DAPK1: variants seen among roughly 807,000 people sequenced by gnomAD.
The protein encoded by DAPK1 is death-associated protein kinase 1.
Under a neutral mutation model 144.9 loss-of-function variants are expected in DAPK1, and 56 were observed. The ratio of observed to expected loss-of-function variants is 0.39; its 90% CI spans 0.31 to 0.48. DAPK1 has a LOEUF of 0.48. DAPK1 is among the 20% of genes least tolerant of loss of function. DAPK1 has a pLI of 0.95. For synonymous variants in DAPK1, 690 were observed against 749.0 expected (o/e 0.92, Z 1.29); for missense variants, 1,454 against 1,875.4 (o/e 0.78, Z 4.15).
At chr9:87,567,190 C>G (rs1827160527) in intron 2 of DAPK1, among the ~76,000 whole-genome samples, 1 of 152,176 alleles carries the variant, frequency 6.6e-6, no homozygotes, top group South Asian at 2.1e-4. Context: ...AATGCTTGGC[C>G]TCTCCTCCCG....
In DAPK1 at chr9:87,522,935, G is replaced by A. The variant is rs1454530473; in HGVS notation, c.62+23796G>A. On this transcript the variant is annotated intron_variant, in intron 2 of 25. Transcript: ENST00000408954. Reference sequence around the variant, plus strand: ...ATACTCTTTGCCCATTTTTCTCTACGTTTGTAGACTTTTATTAATTTGTAG... The same window carrying A: ...ATACTCTTTGCCCATTTTTCTCTACATTTGTAGACTTTTATTAATTTGTAG... 3.3e-5 allele frequency among the ~76,000 whole-genome samples: 5 copies of A among 152,014 alleles called. No homozygotes were observed. In the East Asian group the frequency reaches 7.7e-4, roughly 23 times the overall value.
At chr9:87,518,796 G>T (rs774125982) in intron 2 of DAPK1, among the ~76,000 whole-genome samples, 1 of 152,048 alleles carries the variant, frequency 6.6e-6, no homozygotes, top group Non-Finnish European at 1.5e-5. Context: ...GTTGGTGCCT[G>T]AAGAGTCTGG....
intron 2 of DAPK1, among the ~76,000 whole-genome samples, chr9:87,533,077 A>G (rs974619733): frequency 6.6e-6 from 1 of 152,242 alleles, no homozygotes; most frequent in Non-Finnish European, 1.5e-5. Context: ...GCAGAATGAT[A>G]TAATGTAATT....
intron 4 of DAPK1, among the ~76,000 whole-genome samples, chr9:87,638,285 A>T (rs2119124807): frequency 6.6e-6 from 1 of 152,356 alleles, no homozygotes; most frequent in African/African-American, 2.4e-5. Flanking sequence ...ATAGAGGCTT[A>T]ATGATAATTG....
chr9:87,622,306 G>A (rs1388965135), intron 3 of DAPK1, among the ~76,000 whole-genome samples: 1 of 152,020 alleles, frequency 6.6e-6, no homozygotes, highest in Non-Finnish European at 1.5e-5. Context: ...ATCCTTCGTA[G>A]GTGTGACAAC....
At chr9:87,544,244 A>C (rs1826155851) in intron 2 of DAPK1, among the ~76,000 whole-genome samples, 1 of 152,234 alleles carries the variant, frequency 6.6e-6, no homozygotes, top group South Asian at 2.1e-4. Context: ...ATGTTAGCTT[A>C]ACTTTTACAA....
intron 3 of DAPK1, among the ~76,000 whole-genome samples, chr9:87,620,366 A>G (rs1353792050): frequency 1.3e-5 from 2 of 152,050 alleles, no homozygotes; most frequent in Admixed American, 6.6e-5. Flanking sequence ...TCCTCAGACT[A>G]AGGGAAGAAT....
intron 2 of DAPK1, among the ~76,000 whole-genome samples, chr9:87,511,953 C>T (rs1383233208): frequency 6.6e-6 from 1 of 152,156 alleles, no homozygotes; most frequent in Non-Finnish European, 1.5e-5. Flanking sequence ...CTTAGGTGAT[C>T]CACCCACCTC....
chr9:87,567,894 G>A (rs952137192), intron 2 of DAPK1, among the ~76,000 whole-genome samples: 1 of 152,134 alleles, frequency 6.6e-6, no homozygotes, highest in African/African-American at 2.4e-5. Context: ...AAATGCTTTC[G>A]TGTTCACTTT....
intron 3 of DAPK1, among the ~76,000 whole-genome samples, chr9:87,620,405 G>A (rs1013513169): frequency 3.9e-5 from 6 of 152,114 alleles, no homozygotes; most frequent in East Asian, 1.9e-4. Context: ...TTAAAATTGC[G>A]GCTCTCCATG....
chr9:87,503,633 C>G (rs1482460649), intron 2 of DAPK1, among the ~76,000 whole-genome samples: 2 of 152,162 alleles, frequency 1.3e-5, no homozygotes, highest in African/African-American at 2.4e-5. Flanking sequence ...TTAGACTAGA[C>G]TGAGTGGATC....
intron 18 of DAPK1, among the ~76,000 whole-genome samples, chr9:87,662,431 TATTA>T (rs1457753452): frequency 1.3e-5 from 2 of 152,162 alleles, no homozygotes; most frequent in Admixed American, 6.5e-5. Flanking sequence ...ATTTTAACAA[TATTA>T]ATTCTTCCCA....
intron 2 of DAPK1, among the ~76,000 whole-genome samples, chr9:87,591,161 A>C (rs953118000): frequency 1.3e-5 from 2 of 152,216 alleles, no homozygotes; most frequent in African/African-American, 2.4e-5. Context: ...ATTGCCCTGA[A>C]GTTTGTCAAT....
intron 2 of DAPK1, among the ~76,000 whole-genome samples, chr9:87,514,065 G>C (rs897578772): frequency 2.0e-5 from 3 of 152,138 alleles, no homozygotes; most frequent in Non-Finnish European, 4.4e-5. Flanking sequence ...GTGTGAGGGG[G>C]CGCAAAATTC....
rs757669672 is a variant in DAPK1, at chr9:87,686,529, T to C, written c.2225-22T>C. 5 of 1,443,660 alleles carry C rather than the reference T, an allele frequency of 3.5e-6. No individual in the cohort carries two copies. In the African/African-American group the frequency reaches 4.2e-5, roughly 12 times the overall value. 89.4% of individuals were successfully genotyped at this position (1,443,660 alleles called of 1,614,324 possible). On this transcript the variant is annotated intron_variant, in intron 20 of 25. Transcript: ENST00000408954. This position sits in a 1 kb window ranked among gnomAD's most constrained non-coding sequence, Gnocchi z 4.2. ...ACACGCTGCCCCCATCGAGTACTCATGTGATCCTTTCCATCCTGCAGTCTC... is the reference window on the plus strand; with the variant it reads ...ACACGCTGCCCCCATCGAGTACTCACGTGATCCTTTCCATCCTGCAGTCTC...
chr9:87,573,600 C>G (rs183429178), intron 2 of DAPK1, among the ~76,000 whole-genome samples: 2 of 152,336 alleles, frequency 1.3e-5, no homozygotes, highest in African/African-American at 4.8e-5. Flanking sequence ...CCACCTCTTC[C>G]TGACCACCAA....
At position 87,498,023 on chromosome 9, in the gene DAPK1, C is replaced by G; in HGVS notation, c.-193C>G. ...CACTCCCTAGCTGTGTTCCCGCCGCCGCCCCGGCTAGTCTCCGGCGCTGGC... is the reference window on the plus strand; with the variant it reads ...CACTCCCTAGCTGTGTTCCCGCCGCGGCCCCGGCTAGTCTCCGGCGCTGGC... On this transcript the variant is annotated 5_prime_UTR_variant, in exon 1 of 26. Transcript: ENST00000408954. 2.5e-6 allele frequency: 1 copy of G among 397,806 alleles called. No individual in the cohort carries two copies. Among genetic ancestry groups the G allele is most frequent in the Non-Finnish European group, 4.4e-6 (1 of 225,668 alleles). The allele number at this position is 397,806 out of a possible 1,614,324, so 24.6% of individuals were successfully genotyped here.
Position 87,581,162 on chromosome 9 carries a change from C to G in DAPK1, c.63-23792C>G, listed in dbSNP as rs564522875. ...TCTTTCCCTAGCTGTTCAGACTAAG[C>G]TCCAAAAGTCCATAGCTTCGGAAGA... On this transcript the variant is annotated intron_variant, in intron 2 of 25. Coordinates refer to ENST00000408954, the MANE Select transcript of DAPK1 (RefSeq NM_004938.4). 1.5e-4 allele frequency among the ~76,000 whole-genome samples: 23 copies of G among 152,280 alleles called. No individual in the cohort carries two copies. In the South Asian group the frequency reaches 4.6e-3, roughly 30 times the overall value.
chr9:87,703,674 C>A (rs1237576958), intron 25 of DAPK1, among the ~76,000 whole-genome samples: 1 of 152,080 alleles, frequency 6.6e-6, no homozygotes, highest in East Asian at 1.9e-4. Context: ...TCTGGAGATA[C>A]AAAGACAGAG....
Sources: allele counts gnomAD v4.1 joint callset (sites outside exome capture counted in the v4.1 genomes callset), GRCh38; gene constraint gnomAD v4.1.1; non-coding constraint Gnocchi (gnomAD v3.1); transcripts MANE v1.5; gene names NCBI Gene and HGNC (gene_info 2026-07-23, HGNC 2026-07-21).